Variants in DEXI observed in about 807,000 individuals in gnomAD.
DEXI encodes the protein dexamethasone-induced protein.
DEXI carries 2 observed loss-of-function variants against 2.5 expected under a neutral mutation model. The observed-to-expected ratio is 0.81, with a 90% confidence interval of 0.33 to 2.55. DEXI has a LOEUF of 2.55. DEXI is among the 30% of genes most tolerant of loss of function. The pLI is 0.11. For synonymous variants in DEXI, 71 were observed against 68.7 expected, an observed-to-expected ratio of 1.03 and a Z score of -0.17; for missense variants, 108 against 130.3, an observed-to-expected ratio of 0.83 and a Z score of 0.83.
In DEXI at chr16:10,941,581, C is replaced by G; in HGVS notation, c.*137G>C. 1.4e-6 allele frequency: 2 copies of G among 1,460,098 alleles called. No individual in the cohort carries two copies. Among genetic ancestry groups the G allele is most frequent in the Non-Finnish European group, 1.8e-6 (2 of 1,105,596 alleles). 90.4% of individuals were successfully genotyped at this position (1,460,098 alleles called of 1,614,324 possible). A position where few individuals can be genotyped will look rare whatever the true frequency, so the allele number is the denominator to read the frequency against. ...AGAGGGCACTTACAGGCCTCGGAGG[C>G]AGGGGAGGGTCTCCTCCTGGGGAAC... On this transcript the variant is annotated 3_prime_UTR_variant, in exon 1 of 2. Transcript: ENST00000331808. This position sits in a 1 kb window ranked among gnomAD's most constrained non-coding sequence, Gnocchi z 6.4.
intron 1 of DEXI, chr16:10,930,800 G>A (rs2040753391): frequency 6.6e-6 from 1 of 152,248 alleles, no homozygotes; most frequent in Non-Finnish European, 1.5e-5. Context: ...TCTTTGCTGA[G>A]GCCTTTCTCT....
chr16:10,940,219 C>G lies in DEXI; in HGVS notation c.*149+1350G>C, dbSNP rs1405818518. ...AACTTCATATGTTGAAACTCTGATC[C>G]CAAATGATGGTATTGCGGGGTGCGG... On this transcript the variant is annotated intron_variant, in intron 1 of 1. Transcript: ENST00000331808. The surrounding 1 kb of genome is among the most constrained non-coding windows in gnomAD (Gnocchi z 4.2). The G allele has an allele frequency of 6.6e-6, 1 of 152,214 alleles. No homozygotes were observed. Among genetic ancestry groups the G allele is most frequent in the Non-Finnish European group, 1.5e-5 (1 of 68,064 alleles). The allele number at this position is 152,214 out of a possible 1,614,324, so 9.4% of individuals were successfully genotyped here. A position where few individuals can be genotyped will look rare whatever the true frequency, so the allele number is the denominator to read the frequency against.
At position 10,929,386 on chromosome 16, in the gene DEXI, A is replaced by G; in HGVS notation, c.*323T>C. 4 of 985,932 alleles carry G rather than the reference A, an allele frequency of 4.1e-6. No individual in the cohort carries two copies. The highest frequency in any genetic ancestry group is 4.8e-6 in the Non-Finnish European group (4 of 829,956). The allele number at this position is 985,932 out of a possible 1,614,324, so 61.1% of individuals were successfully genotyped here. A position where few individuals can be genotyped will look rare whatever the true frequency, so the allele number is the denominator to read the frequency against. On this transcript the variant is annotated 3_prime_UTR_variant, in exon 2 of 2. Transcript: ENST00000331808. This position sits in a 1 kb window ranked among gnomAD's most constrained non-coding sequence, Gnocchi z 4.3. ...CTGCAAATAATCAGAAGCCAAGGCC[A>G]GGCCATCGATTTGACACTGCAGGCA...
Position 10,929,394 on chromosome 16 carries a change from G to T in DEXI, c.*315C>A. The T allele has an allele frequency of 1.0e-6, 1 of 985,892 alleles. No individual in the cohort carries two copies. Among genetic ancestry groups the T allele is most frequent in the Non-Finnish European group, 1.2e-6 (1 of 829,956 alleles). 61.1% of individuals were successfully genotyped at this position (985,892 alleles called of 1,614,324 possible). ...AATCAGAAGCCAAGGCCAGGCCATC[G>T]ATTTGACACTGCAGGCAGATGAGGT... On this transcript the variant is annotated 3_prime_UTR_variant, in exon 2 of 2. Coordinates refer to ENST00000331808, the MANE Select transcript of DEXI (RefSeq NM_014015.4). This position sits in a 1 kb window ranked among gnomAD's most constrained non-coding sequence, Gnocchi z 4.3.
At chr16:10,930,448 C>T (rs1239373917) in intron 1 of DEXI, 3 of 152,186 alleles carry the variant, frequency 2.0e-5, no homozygotes, top group Non-Finnish European at 4.4e-5. Flanking sequence ...TAAAAATGCC[C>T]TCCTACCCTA....
rs889589300 is a variant in DEXI, at chr16:10,942,323, G to A, written c.-318C>T. On this transcript the variant is annotated 5_prime_UTR_variant, in exon 1 of 2. Coordinates refer to ENST00000331808, the MANE Select transcript of DEXI (RefSeq NM_014015.4). This position sits in a 1 kb window ranked among gnomAD's most constrained non-coding sequence, Gnocchi z 5.0. Reference sequence around the variant, plus strand: ...GCTCGCAGGGCCTCGCAGAGCCGGTGGGGATCCCACCGCGGCTCAGTGTCT... The same window carrying A: ...GCTCGCAGGGCCTCGCAGAGCCGGTAGGGATCCCACCGCGGCTCAGTGTCT... 6 of 267,706 alleles carry A rather than the reference G, an allele frequency of 2.2e-5. No individual in the cohort carries two copies. Among genetic ancestry groups the A allele is most frequent in the African/African-American group, 9.2e-5 (4 of 43,626 alleles). 16.6% of individuals were successfully genotyped at this position (267,706 alleles called of 1,614,324 possible). A position where few individuals can be genotyped will look rare whatever the true frequency, so the allele number is the denominator to read the frequency against.
Position 10,929,669 on chromosome 16 carries a change from G to A in DEXI, c.*150-110C>T. On this transcript the variant is annotated intron_variant, in intron 1 of 1. Coordinates refer to ENST00000331808, the MANE Select transcript of DEXI (RefSeq NM_014015.4). This position sits in a 1 kb window ranked among gnomAD's most constrained non-coding sequence, Gnocchi z 4.3. ...GGCTCGGGAGGCTTGGGGTGGGGCAGGGAAGTCTTCCTCCATCCCTCAAAT... is the reference window on the plus strand; with the variant it reads ...GGCTCGGGAGGCTTGGGGTGGGGCAAGGAAGTCTTCCTCCATCCCTCAAAT... The A allele has an allele frequency of 1.7e-6, 1 of 602,586 alleles. No homozygotes were observed. The highest frequency in any genetic ancestry group is 1.4e-4 in the East Asian group (1 of 7,020). 37.3% of individuals were successfully genotyped at this position (602,586 alleles called of 1,614,324 possible).
rs2041053705 is a variant in DEXI at position 10,938,067 on chromosome 16, C to T, written c.*149+3502G>A. 1 of 152,238 alleles carries T rather than the reference C, an allele frequency of 6.6e-6. No homozygotes were observed. Among genetic ancestry groups the T allele is most frequent in the Non-Finnish European group, 1.5e-5 (1 of 68,058 alleles). 9.4% of individuals were successfully genotyped at this position (152,238 alleles called of 1,614,324 possible). ...CAAGGGCATGGGTATAACACGCTTT[C>T]CATTGTATCCGACTATGAATATGAG... On this transcript the variant is annotated intron_variant, in intron 1 of 1. Coordinates refer to ENST00000331808, the MANE Select transcript of DEXI (RefSeq NM_014015.4). The surrounding 1 kb of genome is among the most constrained non-coding windows in gnomAD (Gnocchi z 4.9).
rs1430242009 is a variant in DEXI at position 10,930,521 on chromosome 16, A to G, written c.*150-962T>C. On this transcript the variant is annotated intron_variant, in intron 1 of 1. Coordinates refer to ENST00000331808, the MANE Select transcript of DEXI (RefSeq NM_014015.4). ...TTGAGACCCATGCATCGTATAGGAT[A>G]AGAAACTGAGGTTCTTATCATTTAA... is the stretch of plus-strand genomic sequence containing the variant. The G allele has an allele frequency of 4.6e-5, 7 of 152,352 alleles. No homozygotes were observed. The East Asian group carries it at 1.2e-3, about 25-fold the overall frequency. 9.4% of individuals were successfully genotyped at this position (152,352 alleles called of 1,614,324 possible).
chr16:10,935,774 C>T (rs548546355), intron 1 of DEXI: 3 of 152,256 alleles, frequency 2.0e-5, no homozygotes, highest in Middle Eastern at 3.4e-3. Context: ...AATCTAATCT[C>T]GAGTATAACC....
chr16:10,931,225 T>C (rs1342402224), intron 1 of DEXI: 1 of 151,916 alleles, frequency 6.6e-6, no homozygotes, highest in African/African-American at 2.4e-5. Context: ...GGCAGGAGGA[T>C]TGCGTGAGCC....
intron 1 of DEXI, chr16:10,936,295 G>C (rs1352090558): frequency 1.3e-5 from 2 of 152,130 alleles, no homozygotes; most frequent in South Asian, 4.1e-4. Context: ...GGATTGTATA[G>C]TGTATCAATA....
chr16:10,929,276 A>C lies in DEXI; in HGVS notation c.*433T>G. On this transcript the variant is annotated 3_prime_UTR_variant, in exon 2 of 2. Coordinates refer to ENST00000331808, the MANE Select transcript of DEXI (RefSeq NM_014015.4). This position sits in a 1 kb window ranked among gnomAD's most constrained non-coding sequence, Gnocchi z 4.3. ...CCGCAGTTTGAAGTGTCCTCTCCGA[A>C]GGTGAAGTGGGGGAAGCAGGTGCGC... 1 of 985,930 alleles carries C rather than the reference A, an allele frequency of 1.0e-6. No homozygotes were observed. Among genetic ancestry groups the C allele is most frequent in the Non-Finnish European group, 1.2e-6 (1 of 829,976 alleles). The allele number at this position is 985,930 out of a possible 1,614,324, so 61.1% of individuals were successfully genotyped here. A position where few individuals can be genotyped will look rare whatever the true frequency, so the allele number is the denominator to read the frequency against.
chr16:10,936,123 T>A (rs1232042445), intron 1 of DEXI: 1 of 152,084 alleles, frequency 6.6e-6, no homozygotes, highest in Non-Finnish European at 1.5e-5. Context: ...TCCGAGTAAC[T>A]GGGACTATGG....
In DEXI at chr16:10,941,583, G is replaced by A. The variant is rs528597211; in HGVS notation, c.*135C>T. 1 of 1,464,112 alleles carries A rather than the reference G, an allele frequency of 6.8e-7. No individual in the cohort carries two copies. Among genetic ancestry groups the A allele is most frequent in the African/African-American group, 1.4e-5 (1 of 70,844 alleles). 90.7% of individuals were successfully genotyped at this position (1,464,112 alleles called of 1,614,324 possible). On this transcript the variant is annotated 3_prime_UTR_variant, in exon 1 of 2. Coordinates refer to ENST00000331808, the MANE Select transcript of DEXI (RefSeq NM_014015.4). The surrounding 1 kb of genome is among the most constrained non-coding windows in gnomAD (Gnocchi z 6.4). Reference sequence around the variant, plus strand: ...AGGGCACTTACAGGCCTCGGAGGCAGGGGAGGGTCTCCTCCTGGGGAACCA... The same window carrying A: ...AGGGCACTTACAGGCCTCGGAGGCAAGGGAGGGTCTCCTCCTGGGGAACCA...
chr16:10,935,391 C>T (rs1596655969), intron 1 of DEXI: 2 of 152,184 alleles, frequency 1.3e-5, no homozygotes, highest in African/African-American at 4.8e-5. Context: ...ACAAAGAATA[C>T]AGGCCAAGGC....
Position 10,929,590 on chromosome 16 carries a change from C to T in DEXI, c.*150-31G>A. ...AAGAAGGAAAAAGGGGGGTTATTAGCACGGAAGCCCCACCCTGCCACCAGG... is the reference window on the plus strand; with the variant it reads ...AAGAAGGAAAAAGGGGGGTTATTAGTACGGAAGCCCCACCCTGCCACCAGG... On this transcript the variant is annotated intron_variant, in intron 1 of 1. Coordinates refer to ENST00000331808, the MANE Select transcript of DEXI (RefSeq NM_014015.4). This position sits in a 1 kb window ranked among gnomAD's most constrained non-coding sequence, Gnocchi z 4.3. 1.0e-6 allele frequency: 1 copy of T among 984,764 alleles called. No homozygotes were observed. The highest frequency in any genetic ancestry group is 1.2e-6 in the Non-Finnish European group (1 of 829,380). 61.0% of individuals were successfully genotyped at this position (984,764 alleles called of 1,614,324 possible).
intron 1 of DEXI, chr16:10,932,518 TG>T (rs1351145226): frequency 6.6e-6 from 1 of 152,160 alleles, no homozygotes; most frequent in African/African-American, 2.4e-5. Flanking sequence ...CACTCGGCAC[TG>T]CAGGTTCGTC....
At position 10,942,063 on chromosome 16, in the gene DEXI, C is replaced by A. The variant is rs2041110213; in HGVS notation, c.-58G>T. ...CCCGGCGAACTCAGCCGCTGCGGCG[C>A]CCGGGCGGCCGGCGAGGGCACAGCG... On this transcript the variant is annotated 5_prime_UTR_variant, in exon 1 of 2. Coordinates refer to ENST00000331808, the MANE Select transcript of DEXI (RefSeq NM_014015.4). The surrounding 1 kb of genome is among the most constrained non-coding windows in gnomAD (Gnocchi z 5.0). 7.6e-7 allele frequency: 1 copy of A among 1,318,848 alleles called. No individual in the cohort carries two copies. Among genetic ancestry groups the A allele is most frequent in the Admixed American group, 4.2e-5 (1 of 23,714 alleles). 81.7% of individuals were successfully genotyped at this position (1,318,848 alleles called of 1,614,324 possible).
Sources: allele counts gnomAD v4.1 joint callset, GRCh38; gene constraint gnomAD v4.1.1; non-coding constraint Gnocchi (gnomAD v3.1); transcripts MANE v1.5; gene names NCBI Gene and HGNC (gene_info 2026-07-23, HGNC 2026-07-21).